AMACR: variants seen among roughly 807,000 people sequenced by gnomAD.
AMACR encodes alpha-methylacyl-CoA racemase, also known as 2-methylacyl-CoA racemase.
In AMACR, 18 loss-of-function variants were observed where a neutral mutation model predicts 22.2. The observed-to-expected ratio is 0.81, with a 90% CI of 0.56 to 1.20. The LOEUF is 1.20. Among genes scored for constraint, AMACR ranks in the 50% most tolerant of loss-of-function variants. The pLI is 0.00. For synonymous variants in AMACR, 213 were observed against 191.3 expected, an observed-to-expected ratio of 1.11 and a Z score of -0.94; for missense variants, 499 against 490.6, an observed-to-expected ratio of 1.02 and a Z score of -0.16.
chr5:34,003,758 C>T (rs1196200774), intron 3 of AMACR, among the ~76,000 whole-genome samples: 1 of 152,238 alleles, frequency 6.6e-6, no homozygotes, highest in African/African-American at 2.4e-5. Flanking sequence ...CTACCATTAA[C>T]TGCTTTAGTA....
rs574752182 is a variant in AMACR at position 34,002,023 on chromosome 5, G to A, written c.552+2551C>T. ...TTTAATTTATTTATTTTGAAACACGGTCTCACTCTGTCACCCAGGCTGAAG... is the reference window on the plus strand; with the variant it reads ...TTTAATTTATTTATTTTGAAACACGATCTCACTCTGTCACCCAGGCTGAAG... On this transcript the variant is annotated intron_variant, in intron 3 of 4. Transcript: ENST00000335606. Among the ~76,000 whole-genome samples, 10 of 152,130 alleles carry A rather than the reference G, an allele frequency of 6.6e-5. No homozygotes were observed. The South Asian group carries it at 2.1e-3, about 32-fold the overall frequency.
chr5:34,002,522 G>A (rs1252911108), intron 3 of AMACR, among the ~76,000 whole-genome samples: 1 of 152,196 alleles, frequency 6.6e-6, no homozygotes, highest in Non-Finnish European at 1.5e-5. Context: ...TGCTCTTGGG[G>A]CAGCAGGGGA....
intron 4 of AMACR, 130 bp downstream of exon 4, chr5:33,998,511 G>T: frequency 1.1e-6 from 1 of 871,524 alleles, no homozygotes; most frequent in Non-Finnish European, 1.7e-6. Context: ...TATATTGATG[G>T]CTATAATTAG....
Position 33,997,143 on chromosome 5 carries a change from A to C in AMACR, c.739+1498T>G, listed in dbSNP as rs570695466. 2.8e-5 allele frequency: 21 copies of C among 750,984 alleles called. No homozygotes were observed. In the Middle Eastern group the frequency reaches 9.6e-4, roughly 34 times the overall value. The allele number at this position is 750,984 out of a possible 1,614,324, so 46.5% of individuals were successfully genotyped here. A position where few individuals can be genotyped will look rare whatever the true frequency, so the allele number is the denominator to read the frequency against. On this transcript the variant is annotated intron_variant, in intron 4 of 4. Coordinates refer to ENST00000335606, the MANE Select transcript of AMACR (RefSeq NM_014324.6). ...CGGCAGTTTCCTTTAAGGTTGATCCATTTTGGGGTGTTGTCTTAGCAATTC... is the reference window on the plus strand; with the variant it reads ...CGGCAGTTTCCTTTAAGGTTGATCCCTTTTGGGGTGTTGTCTTAGCAATTC...
chr5:33,988,121 T>A lies in AMACR; in HGVS notation c.*972A>T, dbSNP rs2112029690. On this transcript the variant is annotated 3_prime_UTR_variant, in exon 5 of 5. Coordinates refer to ENST00000335606, the MANE Select transcript of AMACR (RefSeq NM_014324.6). ...TCCCTCTACTCTGATGGCACCCGGATTAGATTGTGGAATCTACCCCTTCCT... is the reference window on the plus strand; with the variant it reads ...TCCCTCTACTCTGATGGCACCCGGAATAGATTGTGGAATCTACCCCTTCCT... The A allele has an allele frequency of 1.8e-6, 1 of 545,184 alleles. No individual in the cohort carries two copies. Among genetic ancestry groups the A allele is most frequent in the East Asian group, 2.9e-5 (1 of 34,166 alleles). 33.8% of individuals were successfully genotyped at this position (545,184 alleles called of 1,614,324 possible). A position where few individuals can be genotyped will look rare whatever the true frequency, so the allele number is the denominator to read the frequency against.
At position 33,988,288 on chromosome 5, in the gene AMACR, G is replaced by A. The variant is rs367582757; in HGVS notation, c.*805C>T. On this transcript the variant is annotated 3_prime_UTR_variant, in exon 5 of 5. Transcript: ENST00000335606. ...AGTCCAAGGAGACACAAAACGACTTGCTGGGGGGTCCTGAGATCTTTATTT... is the reference window on the plus strand; with the variant it reads ...AGTCCAAGGAGACACAAAACGACTTACTGGGGGGTCCTGAGATCTTTATTT... 51 of 1,534,416 alleles carry A rather than the reference G, an allele frequency of 3.3e-5. 2 individuals carry two copies. In the South Asian group the frequency reaches 6.1e-4, roughly 18 times the overall value.
intron 4 of AMACR, chr5:33,997,013 A>T (rs1363483184): frequency 3.2e-6 from 2 of 633,928 alleles, no homozygotes; most frequent in Non-Finnish European, 2.9e-6. Flanking sequence ...TTTTAATTTT[A>T]CACGTTTATT....
chr5:34,002,104 C>A (rs768799559), intron 3 of AMACR, among the ~76,000 whole-genome samples: 2 of 152,208 alleles, frequency 1.3e-5, no homozygotes, highest in African/African-American at 2.4e-5. Context: ...TCAAGCAATT[C>A]TCATGCCTCA....
At chr5:33,997,498 G>A in intron 4 of AMACR, 1 of 780,160 alleles carries the variant, frequency 1.3e-6, no homozygotes, top group East Asian at 2.4e-5. Context: ...TGTATTTTCA[G>A]CAAGATCAGT....
At chr5:34,003,271 A>C (rs1258193554) in intron 3 of AMACR, among the ~76,000 whole-genome samples, 3 of 152,172 alleles carry the variant, frequency 2.0e-5, no homozygotes, top group Non-Finnish European at 2.9e-5. Flanking sequence ...CCTAACCTCA[A>C]GTATCCCACC....
chr5:33,988,079 C>A lies in AMACR; in HGVS notation c.*1014G>T. ...GAATGGACCTTATTGATGGCCTACC[C>A]AACATCCATTCTCTACTCCCTCTAC... On this transcript the variant is annotated 3_prime_UTR_variant, in exon 5 of 5. Transcript: ENST00000335606. 1 of 420,934 alleles carries A rather than the reference C, an allele frequency of 2.4e-6. No homozygotes were observed. The highest frequency in any genetic ancestry group is 3.8e-5 in the Admixed American group (1 of 26,596). 26.1% of individuals were successfully genotyped at this position (420,934 alleles called of 1,614,324 possible).
chr5:34,003,664 A>G (rs1470723292), intron 3 of AMACR, among the ~76,000 whole-genome samples: 1 of 152,170 alleles, frequency 6.6e-6, no homozygotes, highest in African/African-American at 2.4e-5. Context: ...GCCAGCCTCA[A>G]CTTCTCCCTC....
chr5:34,005,616 C>A, intron 2 of AMACR, 140 bp downstream of exon 2: 1 of 1,030,754 alleles, frequency 9.7e-7, no homozygotes, highest in South Asian at 1.6e-5. Context: ...TCAAACCGAT[C>A]CATTTTGAAC....
At chr5:33,994,363 G>C (rs1579574902) in intron 4 of AMACR, among the ~76,000 whole-genome samples, 2 of 152,128 alleles carry the variant, frequency 1.3e-5, no homozygotes, top group Non-Finnish European at 2.9e-5. Flanking sequence ...ATCTTTAGTA[G>C]AGACGGGGTT....
chr5:33,996,211 T>C (rs1356010821), intron 4 of AMACR, among the ~76,000 whole-genome samples: 1 of 152,180 alleles, frequency 6.6e-6, no homozygotes, highest in Admixed American at 6.5e-5. Flanking sequence ...TAGGTGGTGT[T>C]ATTTATTGCA....
chr5:34,004,523 T>G (rs1328299247), intron 3 of AMACR, 51 bp downstream of exon 3: 1 of 1,608,762 alleles, frequency 6.2e-7, no homozygotes, highest in East Asian at 2.2e-5. Context: ...TAAGCAGCTA[T>G]ATCTTAAACT....
intron 4 of AMACR, among the ~76,000 whole-genome samples, chr5:33,996,690 C>G (rs929064406): frequency 3.9e-5 from 6 of 152,018 alleles, no homozygotes; most frequent in African/African-American, 1.5e-4. Context: ...TCACTGGTAC[C>G]CCAGAGTTCA....
intron 4 of AMACR, among the ~76,000 whole-genome samples, chr5:33,992,410 T>A (rs577657512): frequency 2.0e-5 from 3 of 150,514 alleles, no homozygotes; most frequent in Non-Finnish European, 4.4e-5. Context: ...TTATAAATTG[T>A]AAAACAGAAA....
In AMACR at chr5:34,004,557, C is replaced by T. The variant is rs754192887; in HGVS notation, c.552+17G>A. 2 of 1,613,972 alleles carry T rather than the reference C, an allele frequency of 1.2e-6. No individual in the cohort carries two copies. The highest frequency in any genetic ancestry group is 3.3e-5 in the Admixed American group (2 of 60,028). ...CTTAGGGACAAGTGGCAGGCATCTACCCCAATTAATACTTACCATATTTGC... is the reference window on the plus strand; with the variant it reads ...CTTAGGGACAAGTGGCAGGCATCTATCCCAATTAATACTTACCATATTTGC... On this transcript the variant is annotated intron_variant, in intron 3 of 4. Coordinates refer to ENST00000335606, the MANE Select transcript of AMACR (RefSeq NM_014324.6).
Sources: allele counts gnomAD v4.1 joint callset (sites outside exome capture counted in the v4.1 genomes callset), GRCh38; gene constraint gnomAD v4.1.1; transcripts MANE v1.5; gene names NCBI Gene and HGNC (gene_info 2026-07-23, HGNC 2026-07-21).